Variants in CHRM3 observed in about 807,000 individuals in gnomAD.
CHRM3 encodes the protein muscarinic acetylcholine receptor M3.
Under a neutral mutation model 41.8 loss-of-function variants are expected in CHRM3, and 11 were observed. The observed-to-expected ratio is 0.26, with a 90% confidence interval of 0.17 to 0.44. CHRM3 has a LOEUF of 0.44. Ranked by LOEUF, CHRM3 falls within the 20% of genes least tolerant of loss-of-function variation. The pLI, the probability that CHRM3 is intolerant of heterozygous loss-of-function variation, is 1.00. For missense variants in CHRM3, 571 were observed against 745.4 expected (o/e 0.77, Z 2.72); for synonymous variants, 297 against 301.4 (o/e 0.99, Z 0.15).
rs200667945 is a variant in CHRM3, at chr1:239,907,450, C to A, written c.-2C>A. The A allele has an allele frequency of 2.6e-5, 42 of 1,609,800 alleles. 1 individual carries two copies. The highest frequency in any genetic ancestry group is 1.1e-4 in the South Asian group (10 of 90,696). On this transcript the variant is annotated 5_prime_UTR_variant, in exon 7 of 7. Coordinates refer to ENST00000676153, the MANE Select transcript of CHRM3 (RefSeq NM_001375978.1). This position sits in a 1 kb window ranked among gnomAD's most constrained non-coding sequence, Gnocchi z 5.4. ...TCCCCCAGACTATGTCAGAGAGTCA[C>A]AATGACCTTGCACAATAACAGTACA...
intron 3 of CHRM3, among the ~76,000 whole-genome samples, chr1:239,568,667 C>T (rs1661575813): frequency 6.6e-6 from 1 of 152,076 alleles, no homozygotes; most frequent in African/African-American, 2.4e-5. Context: ...TACCCTCAGC[C>T]TCCTCTGCTC....
chr1:239,508,816 C>G (rs1283099611), intron 2 of CHRM3, among the ~76,000 whole-genome samples: 1 of 152,170 alleles, frequency 6.6e-6, no homozygotes, highest in African/African-American at 2.4e-5. Flanking sequence ...GTTACTCAGT[C>G]TTTCAATTTC....
At chr1:239,602,120 A>ATATATATATATG (rs1558361194) in intron 3 of CHRM3, among the ~76,000 whole-genome samples, 10 of 56,172 alleles carry the variant, frequency 1.8e-4, no homozygotes, top group African/African-American at 4.0e-4. Context: ...GTATATATAT[A>ATATATATATATG]TATATATATA....
At chr1:239,388,758 A>G (rs1043653116) in intron 1 of CHRM3, among the ~76,000 whole-genome samples, 1 of 152,256 alleles carries the variant, frequency 6.6e-6, no homozygotes, top group Non-Finnish European at 1.5e-5. Context: ...TGTGCAAGGA[A>G]CATGCCTGCT....
intron 5 of CHRM3, among the ~76,000 whole-genome samples, chr1:239,806,542 CAGTA>C (rs1558138955): frequency 6.6e-6 from 1 of 151,978 alleles, no homozygotes; most frequent in Non-Finnish European, 1.5e-5. Flanking sequence ...AAATGGAGAG[CAGTA>C]AGTGAATTAG....
chr1:239,512,798 G>C (rs1268379766), intron 2 of CHRM3, among the ~76,000 whole-genome samples: 2 of 150,222 alleles, frequency 1.3e-5, no homozygotes, highest in South Asian at 4.3e-4. Context: ...TAGTTTTAAG[G>C]GTTACCCTCT....
At chr1:239,498,746 T>C (rs1286862218) in intron 2 of CHRM3, among the ~76,000 whole-genome samples, 1 of 152,190 alleles carries the variant, frequency 6.6e-6, no homozygotes, top group Non-Finnish European at 1.5e-5. Context: ...TTAAGACTTT[T>C]GTTTAAAATG....
chr1:239,871,089 C>G (rs757831777), intron 6 of CHRM3, among the ~76,000 whole-genome samples: 1 of 151,904 alleles, frequency 6.6e-6, no homozygotes, highest in Admixed American at 6.6e-5. Flanking sequence ...TCCAAACTAG[C>G]GACAGAAGAC....
chr1:239,512,431 C>G (rs373383600), intron 2 of CHRM3, among the ~76,000 whole-genome samples: 1 of 152,150 alleles, frequency 6.6e-6, no homozygotes, highest in Admixed American at 6.5e-5. Context: ...GTGAAGCAGC[C>G]GAGACCTGGG....
At chr1:239,500,253 G>A (rs561342868) in intron 2 of CHRM3, among the ~76,000 whole-genome samples, 3 of 152,142 alleles carry the variant, frequency 2.0e-5, no homozygotes, top group Admixed American at 6.5e-5. Context: ...TTAAGAAAAT[G>A]TGGCACATAT....
intron 5 of CHRM3, among the ~76,000 whole-genome samples, chr1:239,790,591 T>A (rs991221654): frequency 6.6e-6 from 1 of 152,222 alleles, no homozygotes; most frequent in Non-Finnish European, 1.5e-5. Context: ...ACCTCTTTTC[T>A]TTATAAATTA....
At chr1:239,521,816 T>A (rs1669661045) in intron 2 of CHRM3, among the ~76,000 whole-genome samples, 1 of 152,142 alleles carries the variant, frequency 6.6e-6, no homozygotes, top group Non-Finnish European at 1.5e-5. Flanking sequence ...ACCAGTGCAG[T>A]CTGACAACTA....
At chr1:239,418,696 T>A (rs1262993063) in intron 1 of CHRM3, among the ~76,000 whole-genome samples, 2 of 152,236 alleles carry the variant, frequency 1.3e-5, no homozygotes, top group Admixed American at 6.5e-5. Flanking sequence ...GAACTAAACA[T>A]TTCAATGCAT....
intron 1 of CHRM3, among the ~76,000 whole-genome samples, chr1:239,403,559 G>C (rs1313428574): frequency 6.6e-6 from 1 of 152,112 alleles, no homozygotes; most frequent in Non-Finnish European, 1.5e-5. Context: ...GGTTACACTG[G>C]TGACCCTCAC....
intron 3 of CHRM3, among the ~76,000 whole-genome samples, chr1:239,618,512 T>C (rs1667910163): frequency 6.6e-6 from 1 of 151,446 alleles, no homozygotes; most frequent in African/African-American, 2.4e-5. Flanking sequence ...AAAACAGGAA[T>C]CTTCGTGGAA....
At chr1:239,756,996 A>G (rs916717885) in intron 5 of CHRM3, among the ~76,000 whole-genome samples, 3 of 151,972 alleles carry the variant, frequency 2.0e-5, no homozygotes, top group Non-Finnish European at 4.4e-5. Context: ...TTTTATCCAT[A>G]CTCTATTTAG....
intron 3 of CHRM3, among the ~76,000 whole-genome samples, chr1:239,583,080 A>G (rs527786687): frequency 2.5e-4 from 38 of 152,312 alleles, no homozygotes; most frequent in Middle Eastern, 3.4e-3. Context: ...TTTCCTCACC[A>G]TGGACCATGT....
At chr1:239,643,110 G>T (rs1304274326) in intron 4 of CHRM3, among the ~76,000 whole-genome samples, 1 of 152,178 alleles carries the variant, frequency 6.6e-6, no homozygotes. Context: ...CCTGCTGTCT[G>T]ATCGTTCCTC....
intron 5 of CHRM3, chr1:239,703,999 T>C (rs907868772): frequency 5.9e-5 from 9 of 152,186 alleles, no homozygotes; most frequent in Non-Finnish European, 8.8e-5. Flanking sequence ...TTTGGAGAAG[T>C]AGTTCTTTGG....
Sources: gnomAD v4.1 joint callset for allele counts (sites outside exome capture counted in the v4.1 genomes callset) on GRCh38, gnomAD v4.1.1 for gene constraint, Gnocchi (gnomAD v3.1) non-coding constraint, MANE v1.5 for transcripts, NCBI Gene and HGNC (gene_info 2026-07-23, HGNC 2026-07-21) for gene names.